Variants in BCAS3 observed in about 807,000 individuals in gnomAD.
The protein encoded by BCAS3 is BCAS3 microtubule associated cell migration factor.
BCAS3 carries 53 observed loss-of-function variants against 116.1 expected under a neutral mutation model. The ratio of observed to expected loss-of-function variants is 0.46; its 90% CI spans 0.37 to 0.57. The LOEUF (loss-of-function observed/expected upper bound fraction) is 0.57, where lower values mean the gene tolerates loss of function less well. BCAS3 is among the 20% of genes least tolerant of loss of function. The pLI is 0.00. For missense variants in BCAS3, 917 were observed against 1,165.4 expected (o/e 0.79, Z 3.10); for synonymous variants, 391 against 408.2 (o/e 0.96, Z 0.51).
chr17:60,933,215 A>G (rs1355626053), intron 13 of BCAS3, among the ~76,000 whole-genome samples: 1 of 152,220 alleles, frequency 6.6e-6, no homozygotes, highest in African/African-American at 2.4e-5. Flanking sequence ...TTATGTAATA[A>G]GAACAATAGA....
At chr17:60,948,113 T>C (rs1182218688) in intron 14 of BCAS3, among the ~76,000 whole-genome samples, 2 of 152,032 alleles carry the variant, frequency 1.3e-5, no homozygotes, top group Non-Finnish European at 2.9e-5. Flanking sequence ...TTATTTTTAT[T>C]ATTTTTTTTG....
intron 7 of BCAS3, among the ~76,000 whole-genome samples, chr17:60,821,231 G>A (rs543588369): frequency 2.6e-5 from 4 of 152,098 alleles, no homozygotes; most frequent in Admixed American, 6.5e-5. Context: ...ACAGGCATGC[G>A]CCACCTCACC....
At chr17:61,179,899 C>G (rs1226866738) in intron 22 of BCAS3, among the ~76,000 whole-genome samples, 1 of 145,172 alleles carries the variant, frequency 6.9e-6, no homozygotes, top group Non-Finnish European at 1.5e-5. Context: ...TTTTGGCAGC[C>G]CAATTTGTTA....
chr17:61,255,953 G>T (rs1169212345), intron 22 of BCAS3, among the ~76,000 whole-genome samples: 2 of 152,170 alleles, frequency 1.3e-5, no homozygotes, highest in Non-Finnish European at 2.9e-5. Context: ...GGGAAATGCT[G>T]CTCTCTTTTC....
chr17:61,253,393 T>C (rs2048521132), intron 22 of BCAS3, among the ~76,000 whole-genome samples: 1 of 151,218 alleles, frequency 6.6e-6, no homozygotes, highest in East Asian at 2.0e-4. Flanking sequence ...CTTCACAGAG[T>C]TACAAGGATT....
rs570426061 is a variant in BCAS3 at position 60,956,529 on chromosome 17, G to A, written c.1221+9177G>A. 3.7e-4 allele frequency among the ~76,000 whole-genome samples: 56 copies of A among 152,120 alleles called. No individual in the cohort carries two copies. Among genetic ancestry groups the A allele is most frequent in the Non-Finnish European group, 7.4e-4 (50 of 67,988 alleles). On this transcript the variant is annotated intron_variant, in intron 14 of 23. Transcript: ENST00000407086. The surrounding 1 kb of genome is among the most constrained non-coding windows in gnomAD (Gnocchi z 4.2). The stretch of plus-strand genomic sequence containing the variant: ...TAACACCTATTTTTGATACCTCTTT[G>A]TATTAAAGTTATTTGCCATTTAATT...
At chr17:61,006,980 C>T (rs76847468) in intron 15 of BCAS3, among the ~76,000 whole-genome samples, 1,558 of 152,080 alleles carry the variant, frequency 0.01, 34 homozygotes, top group African/African-American at 0.036. Context: ...TTTAAGAGCA[C>T]CAACTCTTAA....
chr17:60,926,402 A>C (rs2059367389), intron 13 of BCAS3, among the ~76,000 whole-genome samples: 1 of 152,192 alleles, frequency 6.6e-6, no homozygotes, highest in African/African-American at 2.4e-5. Flanking sequence ...TCAAATAAAG[A>C]ATGATAGTAA....
chr17:60,765,516 G>A (rs372893252), intron 6 of BCAS3, among the ~76,000 whole-genome samples: 6,722 of 152,136 alleles, frequency 0.044, 475 homozygotes, highest in African/African-American at 0.15. Context: ...TTGAATATTG[G>A]CCCCCACTCT....
Position 61,087,238 on chromosome 17 carries a change from C to T in BCAS3, c.2425+2674C>T, listed in dbSNP as rs2073161897. 2.0e-6 allele frequency: 2 copies of T among 984,866 alleles called. No homozygotes were observed. The highest frequency in any genetic ancestry group is 6.2e-5 in the Admixed American group (1 of 16,242). The allele number at this position is 984,866 out of a possible 1,614,324, so 61.0% of individuals were successfully genotyped here. On this transcript the variant is annotated intron_variant, in intron 22 of 23. Coordinates refer to ENST00000407086, the MANE Select transcript of BCAS3 (RefSeq NM_017679.5). The surrounding 1 kb of genome is among the most constrained non-coding windows in gnomAD (Gnocchi z 4.6). ...TTTCATTGCCTGTTACTTGGAGATA[C>T]GACCAGTGTGGCACCTCCTCTGTTG...
At chr17:61,209,933 A>G (rs1198514585) in intron 22 of BCAS3, among the ~76,000 whole-genome samples, 3 of 152,146 alleles carry the variant, frequency 2.0e-5, no homozygotes, top group South Asian at 2.1e-4. Flanking sequence ...CTGTCCATTT[A>G]TGAAGATCAC....
At chr17:60,892,890 C>G (rs1268221039) in intron 10 of BCAS3, among the ~76,000 whole-genome samples, 1 of 151,970 alleles carries the variant, frequency 6.6e-6, no homozygotes, top group Non-Finnish European at 1.5e-5. Context: ...CCATCGCACT[C>G]TAGCCTGGCC....
intron 23 of BCAS3, chr17:61,389,029 A>C: frequency 3.1e-6 from 1 of 323,484 alleles, no homozygotes. Context: ...GGCACCCATG[A>C]TTTTCCAGGC....
In BCAS3 at chr17:61,161,068, T is replaced by C. The variant is rs551526697; in HGVS notation, c.2425+76504T>C. On this transcript the variant is annotated intron_variant, in intron 22 of 23. Transcript: ENST00000407086. The surrounding 1 kb of genome is among the most constrained non-coding windows in gnomAD (Gnocchi z 4.8). ...CAAGAGATCTATAGTTAAAATACTC[T>C]GCAGATGATGAAGGATAGCATGTCT... Among the ~76,000 whole-genome samples, 3 of 152,336 alleles carry C rather than the reference T, an allele frequency of 2.0e-5. No homozygotes were observed. The highest frequency in any genetic ancestry group is 7.2e-5 in the African/African-American group (3 of 41,570).
chr17:60,717,658 C>A (rs913717018), intron 5 of BCAS3, among the ~76,000 whole-genome samples: 1 of 152,116 alleles, frequency 6.6e-6, no homozygotes, highest in African/African-American at 2.4e-5. Context: ...TCTAAAATTT[C>A]AAATATACAG....
intron 6 of BCAS3, among the ~76,000 whole-genome samples, chr17:60,771,766 T>A (rs1277653897): frequency 6.6e-6 from 1 of 152,160 alleles, no homozygotes; most frequent in Non-Finnish European, 1.5e-5. Flanking sequence ...AGTGTTCTCA[T>A]TGTTCAGTTC....
chr17:61,137,056 T>C (rs2076680825), intron 22 of BCAS3, among the ~76,000 whole-genome samples: 1 of 152,236 alleles, frequency 6.6e-6, no homozygotes, highest in Admixed American at 6.5e-5. Context: ...TTAGTGGCAT[T>C]ATTATGAGGT....
chr17:60,768,318 G>C (rs183721259), intron 6 of BCAS3, among the ~76,000 whole-genome samples: 4 of 152,284 alleles, frequency 2.6e-5, no homozygotes, highest in Non-Finnish European at 5.9e-5. Context: ...TTGAGTCAGT[G>C]GGCTTGGAAA....
intron 13 of BCAS3, 96 bp from the exon 14 acceptor site, chr17:60,947,123 A>G (rs2145246707): frequency 1.6e-6 from 2 of 1,248,992 alleles, no homozygotes; most frequent in Non-Finnish European, 2.2e-6. Flanking sequence ...TTTTTTTCCC[A>G]TTGGTAATAT....
Sources: gnomAD v4.1 joint callset for allele counts (sites outside exome capture counted in the v4.1 genomes callset) on GRCh38, gnomAD v4.1.1 for gene constraint, Gnocchi (gnomAD v3.1) non-coding constraint, MANE v1.5 for transcripts, NCBI Gene and HGNC (gene_info 2026-07-23, HGNC 2026-07-21) for gene names.